OIT3: variants seen among roughly 807,000 people sequenced by gnomAD.
OIT3 encodes oncoprotein-induced transcript 3 protein.
A neutral mutation model predicts 52.2 loss-of-function variants in OIT3; 41 were observed. The ratio of observed to expected loss-of-function variants is 0.79; its 90% CI spans 0.61 to 1.02. The LOEUF is 1.02. Among genes scored for constraint, OIT3 ranks in the 50% least tolerant of loss-of-function variants. OIT3 has a pLI of 0.00. For synonymous variants in OIT3, 244 were observed against 276.9 expected, an observed-to-expected ratio of 0.88 and a Z score of 1.18; for missense variants, 634 against 715.5, an observed-to-expected ratio of 0.89 and a Z score of 1.30.
chr10:72,920,807 A>G (rs1004534131), intron 6 of OIT3, among the ~76,000 whole-genome samples: 4 of 152,066 alleles, frequency 2.6e-5, no homozygotes, highest in African/African-American at 9.7e-5. Context: ...TTATGATTTC[A>G]GTTCTTTTGC....
chr10:72,908,939 A>ATT (rs898047793), intron 4 of OIT3, among the ~76,000 whole-genome samples: 1 of 141,766 alleles, frequency 7.1e-6, no homozygotes, highest in Non-Finnish European at 1.6e-5. Flanking sequence ...GCCCTTTTTA[A>ATT]TTTTTTTTTT....
intron 5 of OIT3, among the ~76,000 whole-genome samples, chr10:72,912,087 G>A (rs963038480): frequency 1.3e-5 from 2 of 152,034 alleles, no homozygotes; most frequent in Non-Finnish European, 2.9e-5. Context: ...TCTATGGTTA[G>A]TTGTATGACT....
intron 6 of OIT3, among the ~76,000 whole-genome samples, chr10:72,922,884 C>CT (rs916020942): frequency 9.0e-4 from 136 of 151,680 alleles, no homozygotes; most frequent in Non-Finnish European, 1.7e-3. Flanking sequence ...TTTTCTCCCA[C>CT]TTTTTTTTGA....
At position 72,911,833 on chromosome 10, in the gene OIT3, T is replaced by C; in HGVS notation, c.784T>C (p.Cys262Arg). Residue 262 changes from cysteine (C) to arginine (R), a missense_variant, in exon 5 of 9, where the codon TGC becomes CGC. Transcript: ENST00000334011. ...GLVLSEDNHT[C>R]QVPVLCKSNA... ...GGTGCTGTCTGAGGATAACCACACT[T>C]GCCAAGGTAGTACATGGGGCAGGGG... 6.2e-7 allele frequency: 1 copy of C among 1,613,228 alleles called. No homozygotes were observed. Among genetic ancestry groups the C allele is most frequent in the Non-Finnish European group, 8.5e-7 (1 of 1,179,570 alleles).
At position 72,901,793 on chromosome 10, in the gene OIT3, C is replaced by T. The variant is rs562597411; in HGVS notation, c.544+1309C>T. ...GGGCAATGGCTCATGCCTGTAATCC[C>T]AGCGCTTTGAGAGGACGAAGCAAGA... On this transcript the variant is annotated intron_variant, in intron 3 of 8. Coordinates refer to ENST00000334011, the MANE Select transcript of OIT3 (RefSeq NM_152635.3). Among the ~76,000 whole-genome samples the T allele has an allele frequency of 5.9e-5, 9 of 152,272 alleles. No homozygotes were observed. In the South Asian group the frequency reaches 6.2e-4, roughly 11 times the overall value.
At chr10:72,895,844 G>C (rs1021181502) in intron 1 of OIT3, among the ~76,000 whole-genome samples, 1 of 152,106 alleles carries the variant, frequency 6.6e-6, no homozygotes, top group Non-Finnish European at 1.5e-5. Flanking sequence ...TGAAGCCTTC[G>C]CACTGAGATG....
intron 7 of OIT3, among the ~76,000 whole-genome samples, chr10:72,924,892 C>T (rs1589530474): frequency 6.6e-6 from 1 of 152,024 alleles, no homozygotes; most frequent in Admixed American, 6.6e-5. Context: ...GGGTGGATCA[C>T]CTGAGGTCAG....
chr10:72,895,924 G>C (rs755232000), intron 1 of OIT3, among the ~76,000 whole-genome samples: 2 of 152,198 alleles, frequency 1.3e-5, no homozygotes, highest in Non-Finnish European at 2.9e-5. Flanking sequence ...ATTAAAAACA[G>C]GATATAAGAC....
At chr10:72,917,982 TC>T (rs932273010) in intron 6 of OIT3, 8 of 807,148 alleles carry the variant, frequency 9.9e-6, no homozygotes, top group Non-Finnish European at 1.7e-5. Context: ...ATTATCTTCA[TC>T]ATTATCATCA....
intron 1 of OIT3, among the ~76,000 whole-genome samples, chr10:72,894,746 G>A (rs986420234): frequency 2.0e-5 from 3 of 152,070 alleles, no homozygotes; most frequent in Non-Finnish European, 4.4e-5. Flanking sequence ...AAATTAGATG[G>A]TCATGGTGTT....
intron 6 of OIT3, among the ~76,000 whole-genome samples, chr10:72,920,526 T>C (rs190701284): frequency 1.3e-5 from 2 of 152,234 alleles, no homozygotes; most frequent in South Asian, 2.1e-4. Context: ...TGATGTCGGG[T>C]TGTTAACTTA....
intron 3 of OIT3, 75 bp from the exon 4 acceptor site, chr10:72,906,521 G>GA (rs1845980038): frequency 6.4e-7 from 1 of 1,571,770 alleles, no homozygotes; most frequent in Non-Finnish European, 8.7e-7. Context: ...AAAAGATGTG[G>GA]AAATTCTGCC....
intron 2 of OIT3, among the ~76,000 whole-genome samples, chr10:72,899,712 GATA>G: frequency 1.4e-5 from 1 of 70,920 alleles, no homozygotes; most frequent in Non-Finnish European, 3.0e-5. Context: ...ATGATAGATA[GATA>G]GATAGATAGA....
At chr10:72,903,535 T>C (rs1428776492) in intron 3 of OIT3, among the ~76,000 whole-genome samples, 1 of 152,188 alleles carries the variant, frequency 6.6e-6, no homozygotes, top group African/African-American at 2.4e-5. Flanking sequence ...GCCCCCTTTT[T>C]CTTTTAATTT....
rs992858263 is a variant in OIT3, at chr10:72,898,804, G to C, written c.202G>C (p.Asp68His). The C allele has an allele frequency of 1.2e-6, 2 of 1,613,988 alleles. No individual in the cohort carries two copies. Among genetic ancestry groups the C allele is most frequent in the Non-Finnish European group, 1.7e-6 (2 of 1,179,864 alleles). The change falls in exon 2 of 9, where the codon GAT (aspartate) becomes CAT (histidine). Residue 68 changes from aspartate (D) to histidine (H), a missense_variant. Transcript: ENST00000334011. Reference protein sequence around the residue: ...EWYHFTGMAGDAMPTFCIPEN... With the variant: ...EWYHFTGMAGHAMPTFCIPEN... Reference sequence around the variant, plus strand: ...GTACCACTTCACGGGCATGGCGGGAGATGCCATGCCTACCTTCTGCATACC... The same window carrying C: ...GTACCACTTCACGGGCATGGCGGGACATGCCATGCCTACCTTCTGCATACC...
At chr10:72,923,963 C>T (rs1846143831) in intron 6 of OIT3, among the ~76,000 whole-genome samples, 1 of 152,146 alleles carries the variant, frequency 6.6e-6, no homozygotes, top group Admixed American at 6.5e-5. Context: ...GGGAGGTCCC[C>T]CTCAGAGATA....
rs1186883966 is a variant in OIT3 at position 72,913,323 on chromosome 10, A to G, written c.806A>G (p.Lys269Arg). 1 of 1,608,192 alleles carries G rather than the reference A, an allele frequency of 6.2e-7. No homozygotes were observed. Among genetic ancestry groups the G allele is most frequent in the Non-Finnish European group, 8.5e-7 (1 of 1,175,408 alleles). Reference protein sequence around the residue: ...NHTCQVPVLCKSNAIEVNIPR... With the variant: ...NHTCQVPVLCRSNAIEVNIPR... The stretch of plus-strand genomic sequence containing the variant: ...TTCTCTGCAGTCCCTGTGTTGTGCA[A>G]ATCAAATGCCATTGAAGTGAACATC... The change falls in exon 6 of 9, where the codon AAA becomes AGA. Residue 269 changes from lysine (K) to arginine (R), a missense_variant. Lys to Arg is a conservative substitution (Grantham distance 26). Coordinates refer to ENST00000334011, the MANE Select transcript of OIT3 (RefSeq NM_152635.3).
At chr10:72,909,265 C>G (rs1564592056) in intron 4 of OIT3, among the ~76,000 whole-genome samples, 1 of 151,778 alleles carries the variant, frequency 6.6e-6, no homozygotes, top group African/African-American at 2.4e-5. Flanking sequence ...GGACTACAGG[C>G]GTGCACCACC....
intron 6 of OIT3, among the ~76,000 whole-genome samples, chr10:72,923,146 G>T (rs1234001855): frequency 1.3e-5 from 2 of 152,148 alleles, no homozygotes; most frequent in Non-Finnish European, 2.9e-5. Flanking sequence ...CAAAGTGCTG[G>T]GATTACAGGT....
Sources: allele counts gnomAD v4.1 joint callset (sites outside exome capture counted in the v4.1 genomes callset), GRCh38; gene constraint gnomAD v4.1.1; transcripts MANE v1.5; gene names NCBI Gene and HGNC (gene_info 2026-07-23, HGNC 2026-07-21).